The following GALNT13 variants were observed in gnomAD, a reference collection of about 807,000 sequenced individuals.
GALNT13 encodes the protein polypeptide N-acetylgalactosaminyltransferase 13.
Under a neutral mutation model 64.2 loss-of-function variants are expected in GALNT13, and 28 were observed. The ratio of observed to expected loss-of-function variants is 0.44; its 90% CI spans 0.32 to 0.60. The LOEUF (loss-of-function observed/expected upper bound fraction) is 0.60, where lower values mean the gene tolerates loss of function less well. Ranked by LOEUF, GALNT13 falls within the 20% of genes least tolerant of loss-of-function variation. GALNT13 has a pLI of 0.05. For missense variants in GALNT13, 577 were observed against 669.8 expected, an observed-to-expected ratio of 0.86 and a Z score of 1.53; for synonymous variants, 214 against 224.6, an observed-to-expected ratio of 0.95 and a Z score of 0.42.
chr2:153,072,986 G>A, the GALNT13 span, among the ~76,000 whole-genome samples: 5 of 152,190 alleles, frequency 3.3e-5, no homozygotes, highest in Non-Finnish European at 7.3e-5. Context: ...CCTGGATTAA[G>A]GACTGGCGGT....
chr2:153,640,482 TAAG>T, the GALNT13 span, among the ~76,000 whole-genome samples: 1 of 152,078 alleles, frequency 6.6e-6, no homozygotes, highest in African/African-American at 2.4e-5. Context: ...GCTCAGGGTA[TAAG>T]AAGTTTGTCA....
chr2:153,564,481 G>C, the GALNT13 span, among the ~76,000 whole-genome samples: 5 of 151,874 alleles, frequency 3.3e-5, no homozygotes, highest in Non-Finnish European at 7.4e-5. Flanking sequence ...GCATTGTTTT[G>C]ACATCAATAC....
chr2:153,417,737 A>T, the GALNT13 span, among the ~76,000 whole-genome samples: 2 of 152,190 alleles, frequency 1.3e-5, no homozygotes, highest in South Asian at 2.1e-4. Context: ...AGTATATTAA[A>T]TTTGAGATGT....
chr2:154,286,712 G>T, intron 8 of GALNT13: 2 of 300,606 alleles, frequency 6.7e-6, no homozygotes, highest in South Asian at 6.8e-5. Context: ...ATCTTTGACT[G>T]ATTCTGTGGC....
the GALNT13 span, among the ~76,000 whole-genome samples, chr2:153,222,883 G>A: frequency 6.6e-6 from 1 of 152,192 alleles, no homozygotes; most frequent in Non-Finnish European, 1.5e-5. Flanking sequence ...CTGGGCCACT[G>A]AGAGCGCAGG....
At chr2:153,909,914 G>C (rs1019293124) in intron 2 of GALNT13, among the ~76,000 whole-genome samples, 1 of 152,100 alleles carries the variant, frequency 6.6e-6, no homozygotes. Context: ...TCACTGCAAG[G>C]TTTTGGTATC....
At chr2:153,070,215 A>G in the GALNT13 span, among the ~76,000 whole-genome samples, 1 of 152,174 alleles carries the variant, frequency 6.6e-6, no homozygotes, top group Admixed American at 6.5e-5. Flanking sequence ...CCAATCTGAA[A>G]AGGCTACGTA....
chr2:153,862,060 T>C, the GALNT13 span, among the ~76,000 whole-genome samples: 1 of 152,214 alleles, frequency 6.6e-6, no homozygotes, highest in Non-Finnish European at 1.5e-5. Context: ...ACATGACATA[T>C]TTAGTCCTAT....
intron 4 of GALNT13, among the ~76,000 whole-genome samples, chr2:154,147,244 C>A (rs371872810): frequency 1.8e-4 from 28 of 151,636 alleles, no homozygotes; most frequent in African/African-American, 6.5e-4. Flanking sequence ...CAGCATTTAT[C>A]GGGACCTAAT....
intron 3 of GALNT13, among the ~76,000 whole-genome samples, chr2:154,008,151 T>G (rs1696386034): frequency 6.6e-6 from 1 of 152,184 alleles, no homozygotes; most frequent in African/African-American, 2.4e-5. Context: ...CAGTACTATT[T>G]TGAATAGGAG....
the GALNT13 span, among the ~76,000 whole-genome samples, chr2:153,551,779 A>G: frequency 6.6e-6 from 1 of 152,208 alleles, no homozygotes; most frequent in Non-Finnish European, 1.5e-5. Flanking sequence ...ATAGATGTTT[A>G]GTAGATAGTT....
chr2:153,069,662 T>A, the GALNT13 span, among the ~76,000 whole-genome samples: 1 of 152,314 alleles, frequency 6.6e-6, no homozygotes, highest in Non-Finnish European at 1.5e-5. Context: ...CAATATTTGC[T>A]GAGATGTAAG....
At chr2:153,357,997 C>A in the GALNT13 span, among the ~76,000 whole-genome samples, 5 of 152,110 alleles carry the variant, frequency 3.3e-5, no homozygotes, top group African/African-American at 1.2e-4. Context: ...CTCATATGAT[C>A]AAACAGAGAT....
intron 9 of GALNT13, among the ~76,000 whole-genome samples, chr2:154,304,710 A>G (rs1574056971): frequency 1.3e-5 from 2 of 152,358 alleles, no homozygotes; most frequent in African/African-American, 2.4e-5. Context: ...ATGTTGCACA[A>G]TAGGGACTGT....
intron 3 of GALNT13, among the ~76,000 whole-genome samples, chr2:153,999,977 G>A (rs183891831): frequency 2.1e-4 from 32 of 152,058 alleles, no homozygotes; most frequent in Non-Finnish European, 2.1e-4. Flanking sequence ...GAGTCTTTCA[G>A]ACTGCCCCAA....
the GALNT13 span, among the ~76,000 whole-genome samples, chr2:153,385,880 A>AAAATG: frequency 6.6e-6 from 1 of 151,472 alleles, no homozygotes; most frequent in Non-Finnish European, 1.5e-5. Flanking sequence ...AAAATAAAAT[A>AAAATG]TCCTCTTGAT....
At chr2:154,145,096 CTATCTATATA>C (rs1683505302) in intron 4 of GALNT13, among the ~76,000 whole-genome samples, 2 of 124,068 alleles carry the variant, frequency 1.6e-5, no homozygotes, top group African/African-American at 3.0e-5. Flanking sequence ...ATCTATCTAT[CTATCTATATA>C]TATATATATA....
chr2:154,376,336 A>G (rs1005570696), intron 9 of GALNT13, among the ~76,000 whole-genome samples: 1 of 152,146 alleles, frequency 6.6e-6, no homozygotes, highest in Non-Finnish European at 1.5e-5. Flanking sequence ...ATTGCATTAT[A>G]TAGTCAGATA....
At chr2:153,166,835 A>G in the GALNT13 span, among the ~76,000 whole-genome samples, 1 of 152,172 alleles carries the variant, frequency 6.6e-6, no homozygotes, top group African/African-American at 2.4e-5. Context: ...GTGACTCACC[A>G]TGCTACAGTG....
Sources: allele counts gnomAD v4.1 joint callset (sites outside exome capture counted in the v4.1 genomes callset), GRCh38; gene constraint gnomAD v4.1.1; transcripts MANE v1.5; gene names NCBI Gene and HGNC (gene_info 2026-07-23, HGNC 2026-07-21).